Variants in HMCN1 observed in about 807,000 individuals in gnomAD.
HMCN1 encodes hemicentin 1.
In HMCN1, 321 loss-of-function variants were observed where a neutral mutation model predicts 625.9. The observed-to-expected ratio is 0.51, with a 90% confidence interval of 0.47 to 0.56. The LOEUF is 0.56. Among genes scored for constraint, HMCN1 ranks in the 20% least tolerant of loss-of-function variants. The pLI is 0.00. For synonymous variants in HMCN1, 2,425 were observed against 2,417.6 expected (o/e 1.00, Z -0.09); for missense variants, 6,588 against 6,887.3 (o/e 0.96, Z 1.54).
chr1:185,871,441 A>G (rs911819813), intron 4 of HMCN1, among the ~76,000 whole-genome samples: 13 of 152,140 alleles, frequency 8.5e-5, no homozygotes, highest in Admixed American at 3.9e-4. Context: ...AAAATGGAGA[A>G]AATGATAGTT....
chr1:185,898,133 T>C (rs1481348867), intron 4 of HMCN1, among the ~76,000 whole-genome samples: 1 of 152,128 alleles, frequency 6.6e-6, no homozygotes, highest in Non-Finnish European at 1.5e-5. Context: ...CCTCCCCCTG[T>C]AGAGGGAGCT....
At chr1:186,111,381 G>A (rs1660879312) in intron 71 of HMCN1, among the ~76,000 whole-genome samples, 1 of 152,134 alleles carries the variant, frequency 6.6e-6, no homozygotes, top group African/African-American at 2.4e-5. Flanking sequence ...CAGGTGTGGT[G>A]GTTCGTGCTG....
intron 16 of HMCN1, among the ~76,000 whole-genome samples, chr1:185,978,639 T>C (rs1255333657): frequency 6.6e-6 from 1 of 152,142 alleles, no homozygotes; most frequent in Non-Finnish European, 1.5e-5. Context: ...TATAGAAAGC[T>C]TTTAATCAGT....
At chr1:186,088,457 T>C (rs2102404821) in intron 62 of HMCN1, 149 bp from the exon 63 acceptor site, 1 of 1,322,914 alleles carries the variant, frequency 7.6e-7, no homozygotes, top group South Asian at 1.4e-5. Flanking sequence ...AGTCATTTTA[T>C]AAAGAATTTT....
intron 106 of HMCN1, among the ~76,000 whole-genome samples, 195 bp downstream of exon 106, chr1:186,188,204 C>T (rs1211774025): frequency 6.6e-6 from 1 of 152,204 alleles, no homozygotes; most frequent in African/African-American, 2.4e-5. Context: ...CCACTGCCAC[C>T]CAAGCTCACT....
chr1:186,096,814 G>A (rs1225836572), intron 68 of HMCN1, among the ~76,000 whole-genome samples: 3 of 151,932 alleles, frequency 2.0e-5, no homozygotes, highest in Non-Finnish European at 2.9e-5. Context: ...CAATAGATGC[G>A]AAAAAAGCAT....
chr1:186,069,814 C>A, intron 51 of HMCN1, 38 bp downstream of exon 51: 1 of 1,381,818 alleles, frequency 7.2e-7, no homozygotes, highest in Non-Finnish European at 1.0e-6. Context: ...ATAGCTTCCC[C>A]AATTTTTCTA....
intron 11 of HMCN1, among the ~76,000 whole-genome samples, chr1:185,944,258 T>A (rs1172080034): frequency 2.0e-5 from 3 of 152,254 alleles, no homozygotes; most frequent in Non-Finnish European, 4.4e-5. Context: ...AAGTGCAAGC[T>A]AAGCTGTGAG....
Position 185,989,268 on chromosome 1 carries a change from T to A in HMCN1, c.3049-220T>A, listed in dbSNP as rs933280125. On this transcript the variant is annotated intron_variant, in intron 20 of 106. Coordinates refer to ENST00000271588, the MANE Select transcript of HMCN1 (RefSeq NM_031935.3). ...CCTTGGCCTCCCAAAGTGTTGGGAT[T>A]ACAGGTGTGAGCCACCGCACCTGGC... 3.9e-5 allele frequency among the ~76,000 whole-genome samples: 6 copies of A among 152,240 alleles called. No homozygotes were observed. In the South Asian group the frequency reaches 1.2e-3, roughly 32 times the overall value.
At chr1:185,769,282 T>A (rs1030567073) in intron 1 of HMCN1, among the ~76,000 whole-genome samples, 1 of 151,384 alleles carries the variant, frequency 6.6e-6, no homozygotes, top group Non-Finnish European at 1.5e-5. Flanking sequence ...ACTTCATCTT[T>A]AAAAAAAATG....
intron 16 of HMCN1, among the ~76,000 whole-genome samples, chr1:185,980,501 T>C (rs1651542078): frequency 6.6e-6 from 1 of 152,078 alleles, no homozygotes; most frequent in South Asian, 2.1e-4. Flanking sequence ...CTGGCCCATG[T>C]TTCACCTCTC....
intron 69 of HMCN1, among the ~76,000 whole-genome samples, chr1:186,106,614 A>G (rs530818780): frequency 6.6e-5 from 10 of 152,334 alleles, no homozygotes; most frequent in African/African-American, 2.4e-4. Flanking sequence ...TCTAGGTCCT[A>G]TATATATCTG....
chr1:186,091,051 C>CA, intron 64 of HMCN1, 134 bp downstream of exon 64: 1 of 1,039,164 alleles, frequency 9.6e-7, no homozygotes. Flanking sequence ...CACAAAGAAA[C>CA]AAAAAACTTT....
At chr1:185,894,052 G>A (rs113486696) in intron 4 of HMCN1, among the ~76,000 whole-genome samples, 2,745 of 149,054 alleles carry the variant, frequency 0.018, 47 homozygotes, top group Non-Finnish European at 0.027. Flanking sequence ...GGAGAATGGC[G>A]TGAACCCGGG....
rs776308087 is a variant in HMCN1, at chr1:186,078,238, T to A, written c.8599+18T>A. 6.5e-7 allele frequency: 1 copy of A among 1,532,454 alleles called. No individual in the cohort carries two copies. Among genetic ancestry groups the A allele is most frequent in the East Asian group, 2.3e-5 (1 of 44,268 alleles). The allele number at this position is 1,532,454 out of a possible 1,614,324, so 94.9% of individuals were successfully genotyped here. ...TGTACTCGGTGAGTTTTTCTTTTGT[T>A]TATTGTTCATTCTTTTACTGAAAAG... On this transcript the variant is annotated intron_variant, in intron 55 of 106. Transcript: ENST00000271588.
chr1:186,093,833 G>A (rs1293242575), intron 66 of HMCN1, among the ~76,000 whole-genome samples, 164 bp downstream of exon 66: 1 of 151,984 alleles, frequency 6.6e-6, no homozygotes, highest in African/African-American at 2.4e-5. Flanking sequence ...ATATACAGTT[G>A]AAATGATTTT....
At chr1:185,948,557 C>T (rs1362482720) in intron 11 of HMCN1, among the ~76,000 whole-genome samples, 24 of 150,880 alleles carry the variant, frequency 1.6e-4, no homozygotes, top group African/African-American at 5.4e-4. Flanking sequence ...AATGTCATCA[C>T]TTAAGGCAAG....
intron 4 of HMCN1, among the ~76,000 whole-genome samples, chr1:185,892,707 T>C (rs1665193556): frequency 6.6e-6 from 1 of 151,874 alleles, no homozygotes; most frequent in Non-Finnish European, 1.5e-5. Context: ...ACCACTGCTC[T>C]CTTCAAAGCT....
chr1:186,181,250 T>C (rs950514870), intron 104 of HMCN1, among the ~76,000 whole-genome samples: 23 of 152,174 alleles, frequency 1.5e-4, no homozygotes, highest in African/African-American at 5.3e-4. Context: ...TGGTGTATGC[T>C]CAGAGACTAT....
Sources: gnomAD v4.1 joint callset for allele counts (sites outside exome capture counted in the v4.1 genomes callset) on GRCh38, gnomAD v4.1.1 for gene constraint, MANE v1.5 for transcripts, NCBI Gene and HGNC (gene_info 2026-07-23, HGNC 2026-07-21) for gene names.